Variants in ECH1 observed in about 807,000 individuals in gnomAD.
ECH1 encodes enoyl-CoA hydratase 1.
In ECH1, 30 loss-of-function variants were observed where a neutral mutation model predicts 37.0. The ratio of observed to expected loss-of-function variants is 0.81; its 90% CI spans 0.61 to 1.10. ECH1 has a LOEUF of 1.10. ECH1 is among the 50% of genes least tolerant of loss of function. The pLI, the probability that ECH1 is intolerant of heterozygous loss-of-function variation, is 0.00. For synonymous variants in ECH1, 178 were observed against 176.0 expected (o/e 1.01, Z -0.09); for missense variants, 456 against 441.6 (o/e 1.03, Z -0.29).
rs769943803 is a variant in ECH1, at chr19:38,823,784, C to T, written c.350-6209G>A. ...TCCTATCTATCCTGACTCTTGCCCC[C>T]GGGTCCTAATGCCTGCCAGACAAAC... On this transcript the variant is annotated intron_variant, in intron 3 of 9. Transcript: ENST00000221418. Among the ~76,000 whole-genome samples, 5 of 152,222 alleles carry T rather than the reference C, an allele frequency of 3.3e-5. No homozygotes were observed. The East Asian group carries it at 5.8e-4, about 18-fold the overall frequency.
In ECH1 at chr19:38,825,496, G is replaced by A. The variant is rs181009019; in HGVS notation, c.349+5582C>T. Among the ~76,000 whole-genome samples, 10 of 152,260 alleles carry A rather than the reference G, an allele frequency of 6.6e-5. No individual in the cohort carries two copies. The East Asian group carries it at 1.4e-3, about 21-fold the overall frequency. On this transcript the variant is annotated intron_variant, in intron 3 of 9. Transcript: ENST00000221418. Reference sequence around the variant, plus strand: ...AGATAAGTTTATTATCCAATCAGCCGCAGATATCAGGAGAAAGCTCCAAAA... The same window carrying A: ...AGATAAGTTTATTATCCAATCAGCCACAGATATCAGGAGAAAGCTCCAAAA...
rs1244255565 is a variant in ECH1 at position 38,831,116 on chromosome 19, G to A, written c.311C>T (p.Ala104Val). ...TTTTCCTGCACCAGAGATCACCACC[G>A]CCCGACAGTCAGCGTCTCTCGAAAT... ...NKISRDADCR[A>V]VVISGAGKMF... Residue 104 changes from alanine to valine, a missense_variant, in exon 3 of 10, where the codon GCG (alanine) becomes GTG (valine). Coordinates refer to ENST00000221418, the MANE Select transcript of ECH1 (RefSeq NM_001398.3). 1 of 1,614,012 alleles carries A rather than the reference G, an allele frequency of 6.2e-7. No homozygotes were observed.
chr19:38,828,672 G>A (rs1326586393), intron 3 of ECH1, among the ~76,000 whole-genome samples: 1 of 150,900 alleles, frequency 6.6e-6, no homozygotes, highest in Non-Finnish European at 1.5e-5. Context: ...CTGGAGTGCA[G>A]TGGCGCCATC....
At chr19:38,829,102 T>G (rs1400596712) in intron 3 of ECH1, among the ~76,000 whole-genome samples, 1 of 150,420 alleles carries the variant, frequency 6.6e-6, no homozygotes. Flanking sequence ...CTGGCCAAAA[T>G]GGTGAGACCC....
At chr19:38,822,675 T>A (rs1467820833) in intron 3 of ECH1, among the ~76,000 whole-genome samples, 2 of 152,224 alleles carry the variant, frequency 1.3e-5, no homozygotes, top group Admixed American at 1.3e-4. Flanking sequence ...GGAGAAGTTT[T>A]GTGTCTAGCT....
intron 3 of ECH1, among the ~76,000 whole-genome samples, chr19:38,824,331 C>T (rs1157849864): frequency 6.6e-6 from 1 of 152,118 alleles, no homozygotes; most frequent in African/African-American, 2.4e-5. Context: ...TCTGCTGCTG[C>T]GTTGATGAGC....
Position 38,831,403 on chromosome 19 carries a change from CAT to C in ECH1, c.164_165del (p.Tyr55Ter). On this transcript the variant is annotated frameshift_variant, in exon 2 of 10. Coordinates refer to ENST00000221418, the MANE Select transcript of ECH1 (RefSeq NM_001398.3). LOFTEE classifies it high-confidence loss of function. Reference sequence around the variant, plus strand: ...TGCGCAGACGTCACACGAAGGGACTCATAGCTGTGGTCTGGGGCTTCACCGAG... The same window carrying C: ...TGCGCAGACGTCACACGAAGGGACTCAGCTGTGGTCTGGGGCTTCACCGAG... ...VALGEAPDHSYESLRVTSAQK... is the reference protein window; with the variant it reads ...VALGEAPDHSXESLRVTSAQK... 1.2e-6 allele frequency: 2 copies of C among 1,614,078 alleles called. No individual in the cohort carries two copies. The highest frequency in any genetic ancestry group is 1.7e-6 in the Non-Finnish European group (2 of 1,180,030).
At chr19:38,823,819 C>T (rs2145380026) in intron 3 of ECH1, among the ~76,000 whole-genome samples, 1 of 152,342 alleles carries the variant, frequency 6.6e-6, no homozygotes, top group Non-Finnish European at 1.5e-5. Flanking sequence ...CTTCCTCTCA[C>T]CTCTCTTCTC....
At chr19:38,825,547 T>G (rs1476622393) in intron 3 of ECH1, among the ~76,000 whole-genome samples, 1 of 152,072 alleles carries the variant, frequency 6.6e-6, no homozygotes, top group Non-Finnish European at 1.5e-5. Context: ...TGAACAAAAT[T>G]TGGAGGCATT....
intron 3 of ECH1, among the ~76,000 whole-genome samples, chr19:38,827,443 G>A (rs909105771): frequency 6.6e-6 from 1 of 152,136 alleles, no homozygotes; most frequent in African/African-American, 2.4e-5. Context: ...GACCACTTAG[G>A]AGAGTGGCAG....
At chr19:38,828,863 C>T (rs942213440) in intron 3 of ECH1, among the ~76,000 whole-genome samples, 2 of 151,544 alleles carry the variant, frequency 1.3e-5, no homozygotes, top group African/African-American at 2.4e-5. Flanking sequence ...CCTCGTGATC[C>T]GCCTGCCTCG....
chr19:38,828,875 C>A (rs1234683874), intron 3 of ECH1, among the ~76,000 whole-genome samples: 1 of 151,758 alleles, frequency 6.6e-6, no homozygotes, highest in Admixed American at 6.6e-5. Context: ...CCTGCCTCGA[C>A]CTCCCAAAGT....
At chr19:38,818,901 CTGTG>C (rs761871749) in intron 3 of ECH1, among the ~76,000 whole-genome samples, 3,128 of 133,560 alleles carry the variant, frequency 0.023, 94 homozygotes, top group African/African-American at 0.065. Context: ...GCCTCCAACT[CTGTG>C]TGTGTGTGTG....
At chr19:38,831,575 T>G (rs1971826470) in intron 1 of ECH1, 59 bp from the exon 2 acceptor site, 1 of 1,566,570 alleles carries the variant, frequency 6.4e-7, no homozygotes, top group Non-Finnish European at 8.7e-7. Context: ...GCCTATCGAA[T>G]TAGGGAGTCC....
chr19:38,818,964 C>T (rs1971621421), intron 3 of ECH1: 2 of 233,336 alleles, frequency 8.6e-6, no homozygotes, highest in South Asian at 1.6e-4. Flanking sequence ...TTTGGGCACA[C>T]TGGTCTCCAA....
Position 38,817,710 on chromosome 19 carries a change from C to G in ECH1, c.350-135G>C. On this transcript the variant is annotated intron_variant, in intron 3 of 9. Coordinates refer to ENST00000221418, the MANE Select transcript of ECH1 (RefSeq NM_001398.3). ...CGGAAAAAAAACAACTCACACAGGA[C>G]TTGGTGAGGGATTGATTGCATGTTG... 3.5e-6 allele frequency: 5 copies of G among 1,424,464 alleles called. No homozygotes were observed. The South Asian group carries it at 6.2e-5, about 18-fold the overall frequency. 88.2% of individuals were successfully genotyped at this position (1,424,464 alleles called of 1,614,324 possible).
At position 38,831,348 on chromosome 19, in the gene ECH1, C is replaced by T. The variant is rs11549278; in HGVS notation, c.221G>A (p.Arg74Gln). ...GTTCATGGCATTCCTCTTGTTGGGC[C>T]GGTTGAGCTGGACATGCAGAACATG... Reference protein sequence around the residue: ...QKHVLHVQLNRPNKRNAMNKV... With the variant: ...QKHVLHVQLNQPNKRNAMNKV... The change falls in exon 2 of 10, where the codon CGG becomes CAG. Residue 74 changes from arginine to glutamine, a missense_variant. Transcript: ENST00000221418. The T allele has an allele frequency of 1.2e-6, 2 of 1,613,306 alleles. No individual in the cohort carries two copies. Among genetic ancestry groups the T allele is most frequent in the African/African-American group, 1.3e-5 (1 of 74,908 alleles).
chr19:38,826,060 C>G (rs1353781052), intron 3 of ECH1, among the ~76,000 whole-genome samples: 1 of 152,172 alleles, frequency 6.6e-6, no homozygotes, highest in Admixed American at 6.5e-5. Flanking sequence ...TGTTACCATC[C>G]GATGAATCCT....
At chr19:38,831,674 A>G in intron 1 of ECH1, 47 bp downstream of exon 1, 3 of 1,611,074 alleles carry the variant, frequency 1.9e-6, no homozygotes, top group Non-Finnish European at 2.5e-6. Flanking sequence ...ATCTGCTATA[A>G]CAGCACGACA....
Sources: gnomAD v4.1 joint callset for allele counts (sites outside exome capture counted in the v4.1 genomes callset) on GRCh38, gnomAD v4.1.1 for gene constraint, MANE v1.5 for transcripts, NCBI Gene and HGNC (gene_info 2026-07-23, HGNC 2026-07-21) for gene names.